AKAP6: variants seen among roughly 807,000 people sequenced by gnomAD.
AKAP6 encodes the protein A-kinase anchoring protein 6, also known as A-kinase anchor protein 6.
AKAP6 carries 58 observed loss-of-function variants against 188.5 expected under a neutral mutation model. The ratio of observed to expected loss-of-function variants is 0.31; its 90% confidence interval spans 0.25 to 0.38. AKAP6 has a LOEUF of 0.38. Ranked by LOEUF, AKAP6 falls within the 10% of genes least tolerant of loss-of-function variation. AKAP6 has a pLI of 1.00. For synonymous variants in AKAP6, 989 were observed against 998.6 expected, an observed-to-expected ratio of 0.99 and a Z score of 0.18; for missense variants, 2,710 against 2,740.0, an observed-to-expected ratio of 0.99 and a Z score of 0.24.
chr14:32,430,931 C>G (rs555136637), intron 1 of AKAP6, among the ~76,000 whole-genome samples: 3 of 151,914 alleles, frequency 2.0e-5, no homozygotes, highest in Non-Finnish European at 4.4e-5. Context: ...ACAGTGAAAC[C>G]CTGTCTCTAC....
chr14:32,646,832 A>G (rs1461633822), intron 7 of AKAP6, among the ~76,000 whole-genome samples: 2 of 152,152 alleles, frequency 1.3e-5, no homozygotes, highest in African/African-American at 4.8e-5. Flanking sequence ...GAAAAAAGGG[A>G]AAAGGAGTAC....
At chr14:32,404,768 TTAAAA>T (rs1344294351) in intron 1 of AKAP6, among the ~76,000 whole-genome samples, 1 of 133,866 alleles carries the variant, frequency 7.5e-6, no homozygotes, top group East Asian at 2.2e-4. Context: ...ATTTTCAGAG[TTAAAA>T]TAAAACTAAA....
intron 9 of AKAP6, among the ~76,000 whole-genome samples, chr14:32,704,334 T>G (rs116414817): frequency 1.3e-5 from 2 of 152,212 alleles, no homozygotes; most frequent in African/African-American, 4.8e-5. Context: ...TGCGTAGTAT[T>G]CCCTCTTTTG....
intron 11 of AKAP6, among the ~76,000 whole-genome samples, chr14:32,749,122 G>A (rs1283654171): frequency 6.6e-6 from 1 of 152,110 alleles, no homozygotes; most frequent in African/African-American, 2.4e-5. Flanking sequence ...ACTAGTTTCT[G>A]TTAGTTGGCA....
At chr14:32,366,182 C>T (rs1448839264) in intron 1 of AKAP6, among the ~76,000 whole-genome samples, 4 of 152,206 alleles carry the variant, frequency 2.6e-5, no homozygotes, top group African/African-American at 9.7e-5. Context: ...AAGAGAGCCA[C>T]CTGTGCTCAG....
chr14:32,563,336 T>C (rs986487487), intron 4 of AKAP6, among the ~76,000 whole-genome samples: 1 of 152,170 alleles, frequency 6.6e-6, no homozygotes, highest in Non-Finnish European at 1.5e-5. Flanking sequence ...AGTTTCCTCC[T>C]GCAAAGGAGA....
At chr14:32,765,598 A>T (rs1309119817) in intron 11 of AKAP6, among the ~76,000 whole-genome samples, 1 of 152,134 alleles carries the variant, frequency 6.6e-6, no homozygotes, top group Non-Finnish European at 1.5e-5. Flanking sequence ...CATTATTTTT[A>T]TCATACAGCA....
chr14:32,343,444 G>A (rs778389033), intron 1 of AKAP6, among the ~76,000 whole-genome samples: 4 of 151,204 alleles, frequency 2.6e-5, no homozygotes, highest in Non-Finnish European at 5.9e-5. Context: ...AGTAAGTCTT[G>A]TACCATAATC....
intron 4 of AKAP6, among the ~76,000 whole-genome samples, chr14:32,570,270 A>G (rs1230787276): frequency 6.6e-6 from 1 of 151,054 alleles, no homozygotes; most frequent in African/African-American, 2.4e-5. Flanking sequence ...AGCTGGGATT[A>G]TAGGCACATG....
chr14:32,358,115 T>G (rs1414937485), intron 1 of AKAP6, among the ~76,000 whole-genome samples: 5 of 152,232 alleles, frequency 3.3e-5, no homozygotes, highest in African/African-American at 1.2e-4. Flanking sequence ...AGGTTGTTGC[T>G]TACCTGGCTT....
intron 7 of AKAP6, among the ~76,000 whole-genome samples, chr14:32,619,589 T>C (rs1886730276): frequency 6.6e-6 from 1 of 152,206 alleles, no homozygotes; most frequent in Non-Finnish European, 1.5e-5. Context: ...GTAGTATAAT[T>C]TGAAGTCACA....
chr14:32,735,285 T>C (rs1293324131), intron 10 of AKAP6, among the ~76,000 whole-genome samples: 1 of 152,160 alleles, frequency 6.6e-6, no homozygotes, highest in Non-Finnish European at 1.5e-5. Context: ...TATAAACTCC[T>C]ATCATGATAA....
chr14:32,803,443 G>A (rs1418410835), intron 12 of AKAP6, among the ~76,000 whole-genome samples: 5 of 151,992 alleles, frequency 3.3e-5, no homozygotes, highest in African/African-American at 7.2e-5. Context: ...ATATTTTGCT[G>A]CGCTAAAAAA....
intron 5 of AKAP6, among the ~76,000 whole-genome samples, chr14:32,593,168 A>G (rs1318973619): frequency 6.6e-6 from 1 of 152,136 alleles, no homozygotes; most frequent in Non-Finnish European, 1.5e-5. Context: ...CAAATAAGAA[A>G]TAAGTCTAGT....
rs1159007339 is a variant in AKAP6, at chr14:32,398,859, T to G, written c.-34-34601T>G. 7.0e-5 allele frequency among the ~76,000 whole-genome samples: 10 copies of G among 143,338 alleles called. No homozygotes were observed. In the East Asian group the frequency reaches 7.9e-4, roughly 11 times the overall value. The allele number at this position is 143,338 out of a possible 152,430, so 94.0% of individuals were successfully genotyped here. A position where few individuals can be genotyped will look rare whatever the true frequency, so the allele number is the denominator to read the frequency against. ...CTTTCTTCCTGTTTTTTTTTTTTTT[T>G]TTTTTTTTTTTTGATGGAGTCTTTC... is the stretch of plus-strand genomic sequence containing the variant. On this transcript the variant is annotated intron_variant, in intron 1 of 13. Transcript: ENST00000280979.
At chr14:32,781,120 TAAAG>T (rs1594939473) in intron 12 of AKAP6, among the ~76,000 whole-genome samples, 1 of 150,282 alleles carries the variant, frequency 6.7e-6, no homozygotes, top group African/African-American at 2.5e-5. Flanking sequence ...GAAAAAATAA[TAAAG>T]AAAAAAATCA....
intron 4 of AKAP6, among the ~76,000 whole-genome samples, chr14:32,563,749 T>C (rs1033914594): frequency 7.1e-6 from 1 of 140,164 alleles, no homozygotes; most frequent in Non-Finnish European, 1.6e-5. Flanking sequence ...CAGATGATTC[T>C]TGAATTGTAT....
intron 1 of AKAP6, among the ~76,000 whole-genome samples, chr14:32,368,260 A>G (rs996851555): frequency 2.6e-5 from 4 of 152,168 alleles, no homozygotes; most frequent in African/African-American, 9.7e-5. Context: ...TCATCTTTAT[A>G]TGGCACCTTT....
At chr14:32,797,326 C>A (rs111857026) in intron 12 of AKAP6, among the ~76,000 whole-genome samples, 8 of 152,106 alleles carry the variant, frequency 5.3e-5, no homozygotes, top group African/African-American at 1.9e-4. Flanking sequence ...ATATTCATTG[C>A]AGCACTATTC....
Sources: allele counts gnomAD v4.1 joint callset (sites outside exome capture counted in the v4.1 genomes callset), GRCh38; gene constraint gnomAD v4.1.1; transcripts MANE v1.5; gene names NCBI Gene and HGNC (gene_info 2026-07-23, HGNC 2026-07-21).